DGKB: variants seen among roughly 807,000 people sequenced by gnomAD.
DGKB encodes the protein diacylglycerol kinase beta.
In DGKB, 67 loss-of-function variants were observed where a neutral mutation model predicts 114.3. The observed-to-expected ratio is 0.59, with a 90% CI of 0.48 to 0.72. DGKB has a LOEUF of 0.72. Ranked by LOEUF, DGKB falls within the 30% of genes least tolerant of loss-of-function variation. The pLI is 0.00. For missense variants in DGKB, 907 were observed against 975.2 expected, an observed-to-expected ratio of 0.93 and a Z score of 0.93; for synonymous variants, 398 against 323.1, an observed-to-expected ratio of 1.23 and a Z score of -2.49.
At chr7:14,339,205 T>G (rs1811194875) in intron 22 of DGKB, among the ~76,000 whole-genome samples, 1 of 129,780 alleles carries the variant, frequency 7.7e-6, no homozygotes, top group African/African-American at 2.7e-5. Context: ...AAAAGACTTT[T>G]GCTAAAAAAA....
chr7:14,660,592 A>G (rs1237932195), intron 13 of DGKB, among the ~76,000 whole-genome samples: 2 of 151,870 alleles, frequency 1.3e-5, no homozygotes, highest in Non-Finnish European at 2.9e-5. Context: ...TATTGCGTCT[A>G]TTTGATTCTT....
At chr7:14,648,305 G>C (rs967963685) in intron 13 of DGKB, among the ~76,000 whole-genome samples, 3 of 152,180 alleles carry the variant, frequency 2.0e-5, no homozygotes, top group Non-Finnish European at 1.5e-5. Context: ...TCTGAGAACG[G>C]GCAGACTGCC....
At chr7:14,787,428 T>C (rs1377175663) in intron 2 of DGKB, among the ~76,000 whole-genome samples, 1 of 152,150 alleles carries the variant, frequency 6.6e-6, no homozygotes, top group South Asian at 2.1e-4. Context: ...ATCTTTTATG[T>C]TAATTCCATA....
chr7:14,303,384 C>T (rs540059674), intron 23 of DGKB, among the ~76,000 whole-genome samples: 2 of 152,234 alleles, frequency 1.3e-5, no homozygotes, highest in Admixed American at 6.5e-5. Context: ...AAGCCATATT[C>T]ACCTTTCCAG....
At chr7:14,767,350 C>A (rs947387555) in intron 2 of DGKB, among the ~76,000 whole-genome samples, 7 of 151,794 alleles carry the variant, frequency 4.6e-5, no homozygotes, top group Non-Finnish European at 8.8e-5. Flanking sequence ...TTGACAAGTG[C>A]TGCTTAATTA....
intron 21 of DGKB, among the ~76,000 whole-genome samples, chr7:14,373,830 G>A (rs1419888335): frequency 2.6e-5 from 4 of 151,912 alleles, no homozygotes; most frequent in Non-Finnish European, 5.9e-5. Context: ...TTTCTGATGG[G>A]CCCGTGCTTT....
intron 20 of DGKB, among the ~76,000 whole-genome samples, chr7:14,541,475 T>C (rs1793435188): frequency 6.6e-6 from 1 of 152,174 alleles, no homozygotes; most frequent in African/African-American, 2.4e-5. Flanking sequence ...CATAAACAGA[T>C]AAAATATCAC....
intron 20 of DGKB, 83 bp downstream of exon 20, chr7:14,574,129 C>A: frequency 9.5e-7 from 1 of 1,051,380 alleles, no homozygotes; most frequent in Non-Finnish European, 1.3e-6. Context: ...TATTTATAAT[C>A]AGTAAATTTT....
intron 13 of DGKB, among the ~76,000 whole-genome samples, chr7:14,643,244 C>G (rs1217299405): frequency 1.3e-5 from 2 of 152,184 alleles, no homozygotes; most frequent in Non-Finnish European, 2.9e-5. Context: ...CCCCAGCCAT[C>G]TACATTCCCA....
intron 25 of DGKB, among the ~76,000 whole-genome samples, chr7:14,160,902 A>G (rs1393333081): frequency 6.6e-6 from 1 of 152,174 alleles, no homozygotes; most frequent in African/African-American, 2.4e-5. Context: ...AACAAACAGC[A>G]TGGTACTGGT....
intron 12 of DGKB, among the ~76,000 whole-genome samples, chr7:14,676,183 T>G (rs1819822708): frequency 6.7e-6 from 1 of 148,574 alleles, no homozygotes; most frequent in South Asian, 2.1e-4. Context: ...ACAAATTTTT[T>G]TTCTTTAAGA....
intron 1 of DGKB, among the ~76,000 whole-genome samples, chr7:14,911,691 C>A (rs188168805): frequency 1.3e-5 from 2 of 152,106 alleles, no homozygotes; most frequent in Non-Finnish European, 2.9e-5. Flanking sequence ...TGTCCACCTG[C>A]GGTTTTCACA....
At chr7:14,941,887 C>G (rs549533132) in intron 1 of DGKB, among the ~76,000 whole-genome samples, 1 of 152,082 alleles carries the variant, frequency 6.6e-6, no homozygotes, top group East Asian at 1.9e-4. Context: ...TAAATCATTA[C>G]TTTTCAACTC....
chr7:14,973,859 TATA>T (rs1332736862), intron 1 of DGKB, among the ~76,000 whole-genome samples: 11 of 148,052 alleles, frequency 7.4e-5, no homozygotes, highest in South Asian at 4.2e-4. Context: ...TATATTATTT[TATA>T]ATAATAAATT....
intron 20 of DGKB, among the ~76,000 whole-genome samples, chr7:14,556,055 A>T (rs954012689): frequency 7.2e-5 from 11 of 152,168 alleles, no homozygotes; most frequent in Non-Finnish European, 1.0e-4. Context: ...CTAATTAATT[A>T]TTTCTTGCAG....
At chr7:14,652,347 A>G (rs1273028133) in intron 13 of DGKB, among the ~76,000 whole-genome samples, 1 of 152,176 alleles carries the variant, frequency 6.6e-6, no homozygotes, top group African/African-American at 2.4e-5. Context: ...ATAACGCCGC[A>G]TATCTACAAC....
Position 14,330,131 on chromosome 7 carries a change from T to C in DGKB, c.2122+8384A>G, listed in dbSNP as rs140502560. On this transcript the variant is annotated intron_variant, in intron 23 of 25. Coordinates refer to ENST00000402815, the MANE Select transcript of DGKB (RefSeq NM_001350709.2). ...AATATAGAAGGGTTTTAGAATAGCA[T>C]GTAGAATTTTGAAAATAAACAATGT... Among the ~76,000 whole-genome samples the C allele has an allele frequency of 6.2e-3, 943 of 152,138 alleles. 15 individuals carry two copies. Among genetic ancestry groups the C allele is most frequent in the African/African-American group, 0.021 (891 of 41,570 alleles).
At chr7:14,360,290 A>G (rs901268173) in intron 21 of DGKB, among the ~76,000 whole-genome samples, 1 of 152,030 alleles carries the variant, frequency 6.6e-6, no homozygotes. Flanking sequence ...AGGGAGAGGA[A>G]TATCACACAC....
intron 13 of DGKB, among the ~76,000 whole-genome samples, chr7:14,646,563 C>G (rs1030943709): frequency 6.6e-6 from 1 of 152,248 alleles, no homozygotes; most frequent in Admixed American, 6.5e-5. Context: ...GGACATGGGA[C>G]ATTTGCAAGG....
Sources: allele counts gnomAD v4.1 joint callset (sites outside exome capture counted in the v4.1 genomes callset), GRCh38; gene constraint gnomAD v4.1.1; transcripts MANE v1.5; gene names NCBI Gene and HGNC (gene_info 2026-07-23, HGNC 2026-07-21).